The following OBP2A variants were observed in gnomAD, a reference collection of about 807,000 sequenced individuals.
OBP2A encodes the protein odorant binding protein 2A.
Under a neutral mutation model 21.9 loss-of-function variants are expected in OBP2A, and 15 were observed. The observed-to-expected ratio is 0.69, with a 90% confidence interval of 0.46 to 1.06. OBP2A has a LOEUF of 1.06. Ranked by LOEUF, OBP2A falls within the 50% of genes least tolerant of loss-of-function variation. OBP2A has a pLI of 0.00. For synonymous variants in OBP2A, 86 were observed against 91.8 expected, an observed-to-expected ratio of 0.94 and a Z score of 0.36; for missense variants, 192 against 220.1, an observed-to-expected ratio of 0.87 and a Z score of 0.81.
chr9:135,547,017 C>A (rs1190395696), intron 2 of OBP2A, 106 bp downstream of exon 2: 2 of 1,576,956 alleles, frequency 1.3e-6, no homozygotes, highest in Non-Finnish European at 1.7e-6. Flanking sequence ...GGAAGAGTCA[C>A]CCCCTGCCTT....
In OBP2A at chr9:135,549,967, C is replaced by G. The variant is rs953696835; in HGVS notation, c.*132C>G. 1 of 1,451,552 alleles carries G rather than the reference C, an allele frequency of 6.9e-7. No individual in the cohort carries two copies. Among genetic ancestry groups the G allele is most frequent in the African/African-American group, 1.4e-5 (1 of 69,404 alleles). The allele number at this position is 1,451,552 out of a possible 1,614,324, so 89.9% of individuals were successfully genotyped here. ...TGACTCCAAATAAAGAGCTTCTCCC[C>G]CAGCTCTGGGCAGGCCTATCTGTGG... On this transcript the variant is annotated 3_prime_UTR_variant, in exon 7 of 7. Coordinates refer to ENST00000371776, the MANE Select transcript of OBP2A (RefSeq NM_014582.3).
chr9:135,549,643 T>G (rs28399074), intron 6 of OBP2A, 194 bp from the exon 7 acceptor site: 2 of 579,440 alleles, frequency 3.5e-6, no homozygotes, highest in Non-Finnish European at 3.1e-6. Flanking sequence ...CCACTCGGTC[T>G]ACTCCCCCCC....
chr9:135,549,043 T>C (rs1178697680), intron 5 of OBP2A, among the ~76,000 whole-genome samples: 12 of 115,798 alleles, frequency 1.0e-4, no homozygotes, highest in Non-Finnish European at 5.3e-5. Context: ...GGCTCCGCGC[T>C]CTGGGCTGCG....
chr9:135,548,226 G>A (rs1200997695), intron 4 of OBP2A, among the ~76,000 whole-genome samples: 1 of 152,188 alleles, frequency 6.6e-6, no homozygotes, highest in Admixed American at 6.5e-5. Context: ...CGCTTGTGGG[G>A]TCTCAGGTGT....
intron 4 of OBP2A, among the ~76,000 whole-genome samples, chr9:135,548,250 T>G (rs1319157108): frequency 1.3e-5 from 2 of 152,054 alleles, no homozygotes; most frequent in Non-Finnish European, 2.9e-5. Flanking sequence ...GGCCTCACCT[T>G]AAGGGGGAGG....
chr9:135,548,819 G>C lies in OBP2A; in HGVS notation c.490+10G>C. On this transcript the variant is annotated intron_variant, in intron 5 of 6. Transcript: ENST00000371776. ...ATGCCCCTGCAGACGGGTGAGGACG[G>C]CTGTGCCCAGTACCCCGTGTTCCCC... 1 of 1,613,324 alleles carries C rather than the reference G, an allele frequency of 6.2e-7. No homozygotes were observed. The highest frequency in any genetic ancestry group is 8.5e-7 in the Non-Finnish European group (1 of 1,179,246).
In OBP2A at chr9:135,547,166, C is replaced by G. The variant is rs777567300; in HGVS notation, c.207-12C>G. The G allele has an allele frequency of 2.5e-6, 4 of 1,611,888 alleles. No homozygotes were observed. In the Admixed American group the frequency reaches 6.7e-5, roughly 27 times the overall value. On this transcript the variant is annotated splice_polypyrimidine_tract_variant and intron_variant, in intron 2 of 6. Coordinates refer to ENST00000371776, the MANE Select transcript of OBP2A (RefSeq NM_014582.3). ...CCTGGGAGCCGCTGCCCGAGTGTCTCCTGTTTTCCAGGAGGGAGGATCGGT... is the reference window on the plus strand; with the variant it reads ...CCTGGGAGCCGCTGCCCGAGTGTCTGCTGTTTTCCAGGAGGGAGGATCGGT...
intron 6 of OBP2A, 87 bp from the exon 7 acceptor site, chr9:135,549,750 A>G (rs560279175): frequency 2.7e-5 from 23 of 861,570 alleles, no homozygotes; most frequent in Admixed American, 6.0e-5. Flanking sequence ...CCGATGTGGA[A>G]GCTGCAGAGC....
At chr9:135,548,628 GTC>G in intron 4 of OBP2A, 78 bp from the exon 5 acceptor site, 1 of 1,595,912 alleles carries the variant, frequency 6.3e-7, no homozygotes, top group East Asian at 2.2e-5. Context: ...CTGGGCCGTG[GTC>G]GTCTCCTTTT....
rs1831957640 is a variant in OBP2A at position 135,547,075 on chromosome 9, A to AGGG, written c.207-102_207-101insGGG. 1.5e-5 allele frequency: 19 copies of AGGG among 1,287,226 alleles called. No individual in the cohort carries two copies. In the African/African-American group the frequency reaches 2.8e-4, roughly 19 times the overall value. 79.7% of individuals were successfully genotyped at this position (1,287,226 alleles called of 1,614,324 possible). On this transcript the variant is annotated intron_variant, in intron 2 of 6. Coordinates refer to ENST00000371776, the MANE Select transcript of OBP2A (RefSeq NM_014582.3). The stretch of plus-strand genomic sequence containing the variant: ...CTGAAGCTCGGTGGGGTGGGGGGGC[A>AGGG]GTGGAATTTTCAGGTTGCCGGGTCA...
Position 135,547,215 on chromosome 9 carries a change from C to G in OBP2A, c.244C>G (p.Arg82Gly). ...DRCIQKKILM[R>G]KTEEPGKFSA... ...GTGCATCCAGAAGAAAATCCTGATGCGGAAGACGGAGGAGCCTGGCAAATT... is the reference window on the plus strand; with the variant it reads ...GTGCATCCAGAAGAAAATCCTGATGGGGAAGACGGAGGAGCCTGGCAAATT... Residue 82 changes from arginine to glycine, a missense_variant, in exon 3 of 7, where the codon CGG (arginine) becomes GGG (glycine). Transcript: ENST00000371776. The G allele has an allele frequency of 6.2e-7, 1 of 1,613,214 alleles. No homozygotes were observed. The highest frequency in any genetic ancestry group is 1.1e-5 in the South Asian group (1 of 91,034).
intron 1 of OBP2A, 141 bp from the exon 2 acceptor site, chr9:135,546,637 C>A: frequency 1.4e-6 from 2 of 1,420,128 alleles, no homozygotes; most frequent in Non-Finnish European, 1.9e-6. Flanking sequence ...TGAGCTCTAA[C>A]TAAGGTGCAG....
chr9:135,547,950 T>C lies in OBP2A; in HGVS notation c.357T>C (p.Arg119=). The change falls in exon 4 of 7, where the codon CGT becomes CGC. Residue 119 remains arginine, a synonymous_variant. Transcript: ENST00000371776. The stretch of plus-strand genomic sequence containing the variant: ...TCTTTTACTGCAAAGACCAGCGCCG[T>C]GGGGGCCTGCGCTACATGGGAAAGC... ...DYVFYCKDQR[R]GGLRYMGKLV... 1 of 1,612,696 alleles carries C rather than the reference T, an allele frequency of 6.2e-7. No homozygotes were observed. Among genetic ancestry groups the C allele is most frequent in the Non-Finnish European group, 8.5e-7 (1 of 1,179,208 alleles).
intron 4 of OBP2A, 75 bp from the exon 5 acceptor site, chr9:135,548,633 C>G (rs1832020005): frequency 6.2e-7 from 1 of 1,600,886 alleles, no homozygotes; most frequent in African/African-American, 1.3e-5. Context: ...CCGTGGTCGT[C>G]TCCTTTTAGC....
rs377420415 is a variant in OBP2A at position 135,549,039 on chromosome 9, G to A, written c.490+230G>A. 4.6e-5 allele frequency among the ~76,000 whole-genome samples: 4 copies of A among 87,550 alleles called. 1 individual carries two copies. The highest frequency in any genetic ancestry group is 2.1e-4 in the Admixed American group (2 of 9,616). 57.4% of individuals were successfully genotyped at this position (87,550 alleles called of 152,430 possible). On this transcript the variant is annotated intron_variant, in intron 5 of 6. Coordinates refer to ENST00000371776, the MANE Select transcript of OBP2A (RefSeq NM_014582.3). ...GGGCTGCGATGGGGTCTGGGGCTCCGCGCTCTGGGCTGCGATGGGGTCTGG... is the reference window on the plus strand; with the variant it reads ...GGGCTGCGATGGGGTCTGGGGCTCCACGCTCTGGGCTGCGATGGGGTCTGG...
chr9:135,548,161 G>C (rs1832002001), intron 4 of OBP2A, among the ~76,000 whole-genome samples, 180 bp downstream of exon 4: 1 of 152,224 alleles, frequency 6.6e-6, no homozygotes, highest in Admixed American at 6.5e-5. Context: ...AGTGGGAGTG[G>C]GGTGGGCCAG....
chr9:135,547,868 C>T lies in OBP2A; in HGVS notation c.278-3C>T. ...GAAGACCCATCTTCTCTGTCATCTA[C>T]AGATGGGGGCAGGAAGCTCATATAC... On this transcript the variant is annotated splice_polypyrimidine_tract_variant and splice_region_variant and intron_variant, in intron 3 of 6. Coordinates refer to ENST00000371776, the MANE Select transcript of OBP2A (RefSeq NM_014582.3). 2 of 1,600,396 alleles carry T rather than the reference C, an allele frequency of 1.2e-6. No individual in the cohort carries two copies. The highest frequency in any genetic ancestry group is 1.7e-6 in the Non-Finnish European group (2 of 1,172,450).
At chr9:135,547,717 C>T (rs73667653) in intron 3 of OBP2A, among the ~76,000 whole-genome samples, 154 bp from the exon 4 acceptor site, 156 of 152,322 alleles carry the variant, frequency 1.0e-3, no homozygotes, top group African/African-American at 3.5e-3. Context: ...CCTCCGTGTC[C>T]GGGTCCATGC....
At position 135,547,069 on chromosome 9, in the gene OBP2A, G is replaced by T. The variant is rs1403809163; in HGVS notation, c.207-109G>T. 1.4e-5 allele frequency: 21 copies of T among 1,471,944 alleles called. 1 individual carries two copies. Among genetic ancestry groups the T allele is most frequent in the Middle Eastern group, 4.7e-4 (2 of 4,264 alleles). 91.2% of individuals were successfully genotyped at this position (1,471,944 alleles called of 1,614,324 possible). On this transcript the variant is annotated intron_variant, in intron 2 of 6. Transcript: ENST00000371776. ...GACATCCTGAAGCTCGGTGGGGTGG[G>T]GGGGCAGTGGAATTTTCAGGTTGCC...
Sources: allele counts gnomAD v4.1 joint callset (sites outside exome capture counted in the v4.1 genomes callset), GRCh38; gene constraint gnomAD v4.1.1; transcripts MANE v1.5; gene names NCBI Gene and HGNC (gene_info 2026-07-23, HGNC 2026-07-21).